TFAP2E: variants seen among roughly 807,000 people sequenced by gnomAD.
The protein encoded by TFAP2E is transcription factor AP-2 epsilon.
A neutral mutation model predicts 37.9 loss-of-function variants in TFAP2E; 30 were observed. That is an observed-to-expected ratio of 0.79 (90% confidence interval 0.59 to 1.07). The LOEUF is 1.07. Among genes scored for constraint, TFAP2E ranks in the 50% least tolerant of loss-of-function variants. TFAP2E has a pLI of 0.00. For synonymous variants in TFAP2E, 318 were observed against 295.8 expected (o/e 1.08, Z -0.77); for missense variants, 567 against 637.9 (o/e 0.89, Z 1.20).
rs570262338 is a variant in TFAP2E at position 35,575,120 on chromosome 1, C to G, written c.562+120C>G. ...CGCCAGGCTGGGTGTCCACCAGGCA[C>G]TCTTCCTGGCCCAGCCAGATGTTAG... On this transcript the variant is annotated intron_variant, in intron 3 of 6. Coordinates refer to ENST00000373235, the MANE Select transcript of TFAP2E (RefSeq NM_178548.4). 11 of 1,281,634 alleles carry G rather than the reference C, an allele frequency of 8.6e-6. No individual in the cohort carries two copies. The African/African-American group carries it at 1.6e-4, about 19-fold the overall frequency. 79.4% of individuals were successfully genotyped at this position (1,281,634 alleles called of 1,614,324 possible). A position where few individuals can be genotyped will look rare whatever the true frequency, so the allele number is the denominator to read the frequency against.
intron 3 of TFAP2E, among the ~76,000 whole-genome samples, chr1:35,585,013 T>C (rs569263617): frequency 6.6e-6 from 1 of 151,986 alleles, no homozygotes; most frequent in East Asian, 1.9e-4. Context: ...AAGACACCCA[T>C]GGAAACAGAC....
intron 3 of TFAP2E, among the ~76,000 whole-genome samples, chr1:35,576,359 GAC>G (rs1649169866): frequency 6.6e-6 from 1 of 152,178 alleles, no homozygotes; most frequent in South Asian, 2.1e-4. Flanking sequence ...GTGTGGGAAA[GAC>G]ACTAGGAACC....
At chr1:35,594,313 G>C in intron 6 of TFAP2E, 81 bp from the exon 7 acceptor site, 1 of 1,538,394 alleles carries the variant, frequency 6.5e-7, no homozygotes, top group Non-Finnish European at 8.7e-7. Flanking sequence ...GCTAATGTCT[G>C]TAAAATGCCT....
In TFAP2E at chr1:35,577,544, A is replaced by G; in HGVS notation, c.562+2544A>G. On this transcript the variant is annotated intron_variant, in intron 3 of 6. Coordinates refer to ENST00000373235, the MANE Select transcript of TFAP2E (RefSeq NM_178548.4). This position sits in a 1 kb window ranked among gnomAD's most constrained non-coding sequence, Gnocchi z 6.3. ...GCCACCTGAAGCGTCGGATCCCTAC[A>G]GTGCCTCCCAGCCTGGGCGGGAGCG... 2.3e-6 allele frequency: 1 copy of G among 430,378 alleles called. No individual in the cohort carries two copies. Among genetic ancestry groups the G allele is most frequent in the Non-Finnish European group, 4.8e-6 (1 of 210,108 alleles). The allele number at this position is 430,378 out of a possible 1,614,324, so 26.7% of individuals were successfully genotyped here.
intron 3 of TFAP2E, among the ~76,000 whole-genome samples, chr1:35,587,117 A>G (rs1489540288): frequency 6.6e-6 from 1 of 152,166 alleles, no homozygotes; most frequent in East Asian, 1.9e-4. Context: ...AGTGCTCAGT[A>G]GCTGTTAGTC....
chr1:35,594,258 T>C, intron 6 of TFAP2E, 136 bp from the exon 7 acceptor site: 1 of 1,107,586 alleles, frequency 9.0e-7, no homozygotes, highest in East Asian at 2.6e-5. Context: ...TAAAAAACAG[T>C]ATGGTCATCA....
intron 3 of TFAP2E, among the ~76,000 whole-genome samples, chr1:35,581,576 C>CTTT (rs34241641): frequency 1.4e-5 from 2 of 141,978 alleles, no homozygotes; most frequent in African/African-American, 2.6e-5. Flanking sequence ...TCTTTTTTTT[C>CTTT]TTTTTTTTTT....
chr1:35,578,879 T>C (rs1046694158), intron 3 of TFAP2E, among the ~76,000 whole-genome samples: 2 of 150,608 alleles, frequency 1.3e-5, no homozygotes, highest in Admixed American at 1.3e-4. Context: ...GGTCAAGAGT[T>C]CGAGACCAGC....
Position 35,588,535 on chromosome 1 carries a change from G to T in TFAP2E, c.768G>T (p.Leu256=), listed in dbSNP as rs138447850. The T allele has an allele frequency of 6.3e-7, 1 of 1,588,332 alleles. No individual in the cohort carries two copies. The highest frequency in any genetic ancestry group is 8.6e-7 in the Non-Finnish European group (1 of 1,165,664). The stretch of plus-strand genomic sequence containing the variant: ...CCGAGTGCCTCAACGCCTCCCTCCT[G>T]GGGGGTGTCCTCCGCAGGTAGGAAG... ...SPPECLNASL[L]GGVLRRAKSK... Residue 256 remains leucine (L), a synonymous_variant, in exon 4 of 7, where the codon CTG becomes CTT. Transcript: ENST00000373235. The surrounding 1 kb of genome is among the most constrained non-coding windows in gnomAD (Gnocchi z 5.1).
Position 35,594,402 on chromosome 1 carries a change from GC to G in TFAP2E, c.1056del (p.Cys352Ter). The G allele has an allele frequency of 6.2e-7, 1 of 1,613,264 alleles. No individual in the cohort carries two copies. Among genetic ancestry groups the G allele is most frequent in the South Asian group, 1.1e-5 (1 of 91,024 alleles). Reference sequence around the variant, plus strand: ...CCTCCTTCTCGCACCAGGCAGATCTGCAAGGAGTTTGCAGACTTGATGGCTC... The same window carrying G: ...CCTCCTTCTCGCACCAGGCAGATCTGAAGGAGTTTGCAGACTTGATGGCTC... ...KSMLLAAKQI[C>X]KEFADLMAQD... On this transcript the variant is annotated frameshift_variant, in exon 7 of 7. Transcript: ENST00000373235. LOFTEE classifies it high-confidence loss of function.
downstream of TFAP2E, chr1:35,595,341 C>T (rs907034839): frequency 6.6e-6 from 1 of 151,576 alleles, no homozygotes; most frequent in African/African-American, 2.4e-5. Context: ...TCCAGTGCAA[C>T]TTATTTATCC....
intron 3 of TFAP2E, among the ~76,000 whole-genome samples, chr1:35,576,586 T>G (rs919930940): frequency 5.3e-5 from 8 of 152,130 alleles, no homozygotes; most frequent in African/African-American, 1.9e-4. Context: ...TGAGAAAGAC[T>G]AAGACCCTGC....
At chr1:35,578,935 T>C (rs1649263164) in intron 3 of TFAP2E, among the ~76,000 whole-genome samples, 1 of 149,062 alleles carries the variant, frequency 6.7e-6, no homozygotes, top group South Asian at 2.1e-4. Context: ...ATACAAAAAT[T>C]AGCCCAGTGT....
rs763206780 is a variant in TFAP2E at position 35,588,524 on chromosome 1, G to A, written c.757G>A (p.Ala253Thr). 6.9e-6 allele frequency: 11 copies of A among 1,599,608 alleles called. No homozygotes were observed. Among genetic ancestry groups the A allele is most frequent in the Admixed American group, 5.0e-5 (3 of 59,652 alleles). The change falls in exon 4 of 7, where the codon GCC becomes ACC. Residue 253 changes from alanine to threonine, a missense_variant. Physicochemically the swap from Ala to Thr is moderately conservative, Grantham distance 58 (BLOSUM62 0). This residue lies in a region of TFAP2E where 252 missense variants were observed against 302.6 expected (regional missense o/e 0.83). Transcript: ENST00000373235. This position sits in a 1 kb window ranked among gnomAD's most constrained non-coding sequence, Gnocchi z 5.1. Reference protein sequence around the residue: ...RRLSPPECLNASLLGGVLRRA... With the variant: ...RRLSPPECLNTSLLGGVLRRA... ...ACTCTCGCCTCCCGAGTGCCTCAAC[G>A]CCTCCCTCCTGGGGGGTGTCCTCCG...
chr1:35,574,343 C>G lies in TFAP2E; in HGVS notation c.444C>G (p.His148Gln). The stretch of plus-strand genomic sequence containing the variant: ...TGCACGGCCTGGCCGACGGCGCGCA[C>G]GGCCTGGCAGACGCACCTCTCGGCC... Reference protein sequence around the residue: ...RLLHGLADGAHGLADAPLGLP... With the variant: ...RLLHGLADGAQGLADAPLGLP... Residue 148 changes from histidine (H) to glutamine (Q), a missense_variant, in exon 2 of 7, where the codon CAC (histidine) becomes CAG (glutamine). Physicochemically the swap from His to Gln is conservative, Grantham distance 24. This residue lies in a region of TFAP2E where 312 missense variants were observed against 317.4 expected (regional missense o/e 0.98). Coordinates refer to ENST00000373235, the MANE Select transcript of TFAP2E (RefSeq NM_178548.4). The G allele has an allele frequency of 5.5e-6, 8 of 1,448,354 alleles. No individual in the cohort carries two copies. The highest frequency in any genetic ancestry group is 5.4e-6 in the Non-Finnish European group (6 of 1,112,084). The allele number at this position is 1,448,354 out of a possible 1,614,324, so 89.7% of individuals were successfully genotyped here. A position where few individuals can be genotyped will look rare whatever the true frequency, so the allele number is the denominator to read the frequency against.
intron 2 of TFAP2E, 145 bp from the exon 3 acceptor site, chr1:35,574,804 G>A (rs1291841522): frequency 1.6e-5 from 17 of 1,055,756 alleles, no homozygotes; most frequent in Non-Finnish European, 2.3e-5. Context: ...TGGACATAGC[G>A]ATTCCTGGGC....
At position 35,594,918 on chromosome 1, in the gene TFAP2E, G is replaced by C. The variant is rs1391854702; in HGVS notation, c.*242G>C. 2 of 579,026 alleles carry C rather than the reference G, an allele frequency of 3.5e-6. No homozygotes were observed. The highest frequency in any genetic ancestry group is 1.9e-5 in the African/African-American group (1 of 53,596). 35.9% of individuals were successfully genotyped at this position (579,026 alleles called of 1,614,324 possible). A position where few individuals can be genotyped will look rare whatever the true frequency, so the allele number is the denominator to read the frequency against. On this transcript the variant is annotated 3_prime_UTR_variant, in exon 7 of 7. Transcript: ENST00000373235. ...TCATGTGTGCAATTTTCTGACCTTT[G>C]ATGGTTGAGAAGGGTTTGGACAGAA...
At position 35,594,833 on chromosome 1, in the gene TFAP2E, T is replaced by A; in HGVS notation, c.*157T>A. 1 of 1,124,424 alleles carries A rather than the reference T, an allele frequency of 8.9e-7. No homozygotes were observed. The highest frequency in any genetic ancestry group is 1.2e-6 in the Non-Finnish European group (1 of 802,894). 69.7% of individuals were successfully genotyped at this position (1,124,424 alleles called of 1,614,324 possible). ...CCAGAGTTGGGGATCTGGCTTGGAGTAAGGGAGGGTGGCCTCTCTGTGGTG... is the reference window on the plus strand; with the variant it reads ...CCAGAGTTGGGGATCTGGCTTGGAGAAAGGGAGGGTGGCCTCTCTGTGGTG... On this transcript the variant is annotated 3_prime_UTR_variant, in exon 7 of 7. Coordinates refer to ENST00000373235, the MANE Select transcript of TFAP2E (RefSeq NM_178548.4).
At position 35,574,332 on chromosome 1, in the gene TFAP2E, G is replaced by A; in HGVS notation, c.433G>A (p.Asp145Asn). 6.9e-7 allele frequency: 1 copy of A among 1,446,770 alleles called. No homozygotes were observed. The highest frequency in any genetic ancestry group is 9.0e-7 in the Non-Finnish European group (1 of 1,109,910). 89.6% of individuals were successfully genotyped at this position (1,446,770 alleles called of 1,614,324 possible). A position where few individuals can be genotyped will look rare whatever the true frequency, so the allele number is the denominator to read the frequency against. Residue 145 changes from aspartate to asparagine, a missense_variant, in exon 2 of 7, where the codon GAC becomes AAC. Coordinates refer to ENST00000373235, the MANE Select transcript of TFAP2E (RefSeq NM_178548.4). ...AVPRLLHGLA[D>N]GAHGLADAPL... Reference sequence around the variant, plus strand: ...GCCCCGGCTCCTGCACGGCCTGGCCGACGGCGCGCACGGCCTGGCAGACGC... The same window carrying A: ...GCCCCGGCTCCTGCACGGCCTGGCCAACGGCGCGCACGGCCTGGCAGACGC...
Sources: allele counts gnomAD v4.1 joint callset (sites outside exome capture counted in the v4.1 genomes callset), GRCh38; gene constraint gnomAD v4.1.1; regional missense constraint gnomAD v4.1.1; non-coding constraint Gnocchi (gnomAD v3.1); transcripts MANE v1.5; gene names NCBI Gene and HGNC (gene_info 2026-07-23, HGNC 2026-07-21).